MARCHF7: variants seen among roughly 807,000 people sequenced by gnomAD.
MARCHF7 encodes the protein membrane associated ring-CH-type finger 7, also known as E3 ubiquitin-protein ligase MARCHF7.
In MARCHF7, 20 loss-of-function variants were observed where a neutral mutation model predicts 76.5. That is an observed-to-expected ratio of 0.26 (90% CI 0.18 to 0.38). MARCHF7 has a LOEUF of 0.38. Among genes scored for constraint, MARCHF7 ranks in the 10% least tolerant of loss-of-function variants. The pLI is 1.00. For missense variants in MARCHF7, 797 were observed against 812.9 expected (o/e 0.98, Z 0.24); for synonymous variants, 295 against 293.0 (o/e 1.01, Z -0.07).
chr2:159,744,562 A>G (rs1396610528), intron 5 of MARCHF7, among the ~76,000 whole-genome samples: 2 of 152,242 alleles, frequency 1.3e-5, no homozygotes, highest in African/African-American at 4.8e-5. Flanking sequence ...GTGGTGACAC[A>G]ATTGGAGGTA....
chr2:159,724,790 G>A lies in MARCHF7; in HGVS notation c.-14-4219G>A, dbSNP rs145614554. ...GTTGGTGTGCTGCACCCATTAACTCGTCATTTGCAATAGATATTTCTCTTA... is the reference window on the plus strand; with the variant it reads ...GTTGGTGTGCTGCACCCATTAACTCATCATTTGCAATAGATATTTCTCTTA... On this transcript the variant is annotated intron_variant, in intron 3 of 11. Coordinates refer to ENST00000409175, the MANE Select transcript of MARCHF7 (RefSeq NM_001282805.2). 4.7e-3 allele frequency among the ~76,000 whole-genome samples: 720 copies of A among 152,102 alleles called. 11 individuals are homozygous for A. Among genetic ancestry groups the A allele is most frequent in the African/African-American group, 0.016 (684 of 41,484 alleles).
intron 4 of MARCHF7, among the ~76,000 whole-genome samples, chr2:159,742,289 A>G (rs1322209388): frequency 6.6e-6 from 1 of 151,596 alleles, no homozygotes; most frequent in East Asian, 1.9e-4. Context: ...CTAGTGTTGT[A>G]TGACCGTATT....
rs112713769 is a variant in MARCHF7 at position 159,715,779 on chromosome 2, C to A, written c.-15+13C>A. 6.6e-6 allele frequency: 1 copy of A among 151,460 alleles called. No homozygotes were observed. Among genetic ancestry groups the A allele is most frequent in the Non-Finnish European group, 1.5e-5 (1 of 67,814 alleles). 9.4% of individuals were successfully genotyped at this position (151,460 alleles called of 1,614,324 possible). ...CCGGTTAGACTAGGTAAGTTGAACA[C>A]CTGGTTTTAAAATCACCTGCTGCTC... On this transcript the variant is annotated intron_variant, in intron 3 of 11. Transcript: ENST00000409175.
Position 159,749,043 on chromosome 2 carries a change from A to G in MARCHF7, c.1613+140A>G, listed in dbSNP as rs1038309822. 3.1e-6 allele frequency: 3 copies of G among 966,704 alleles called. No homozygotes were observed. The South Asian group carries it at 5.9e-5, about 19-fold the overall frequency. The allele number at this position is 966,704 out of a possible 1,614,324, so 59.9% of individuals were successfully genotyped here. On this transcript the variant is annotated intron_variant, in intron 7 of 11. Coordinates refer to ENST00000409175, the MANE Select transcript of MARCHF7 (RefSeq NM_001282805.2). ...ACCCAGGCTGGAGTGTAATGGCACC[A>G]TCTCGGCTCACTGCAGCCTCGGCCT...
chr2:159,717,256 G>C (rs2125274627), intron 3 of MARCHF7, among the ~76,000 whole-genome samples: 1 of 152,222 alleles, frequency 6.6e-6, no homozygotes, highest in African/African-American at 2.4e-5. Flanking sequence ...AGGCAGTGCA[G>C]CAACGTTGCA....
chr2:159,756,148 A>G (rs1012340821), intron 8 of MARCHF7, among the ~76,000 whole-genome samples: 9 of 152,210 alleles, frequency 5.9e-5, no homozygotes, highest in African/African-American at 2.2e-4. Context: ...AATGTTAGCT[A>G]TTACCAAAAT....
intron 4 of MARCHF7, 41 bp downstream of exon 4, chr2:159,729,216 A>C: frequency 6.8e-7 from 1 of 1,468,104 alleles, no homozygotes; most frequent in East Asian, 2.4e-5. Flanking sequence ...AGCCTTTTTC[A>C]AAATCCCTAG....
intron 4 of MARCHF7, chr2:159,733,033 T>C (rs538363401): frequency 1.2e-4 from 76 of 615,238 alleles, no homozygotes; most frequent in Middle Eastern, 1.6e-3. Flanking sequence ...TTACTAATTA[T>C]AATTATTTAT....
chr2:159,763,804 T>C (rs551035381), intron 10 of MARCHF7, among the ~76,000 whole-genome samples: 1 of 152,280 alleles, frequency 6.6e-6, no homozygotes, highest in Admixed American at 6.5e-5. Flanking sequence ...CCTTCTAAAT[T>C]AGTAAAAAAT....
intron 3 of MARCHF7, among the ~76,000 whole-genome samples, 187 bp from the exon 4 acceptor site, chr2:159,728,822 C>T (rs1236220675): frequency 6.6e-6 from 1 of 152,062 alleles, no homozygotes; most frequent in Non-Finnish European, 1.5e-5. Flanking sequence ...CTTTTATGGA[C>T]GATAGGAAAC....
In MARCHF7 at chr2:159,748,426, G is replaced by A. The variant is rs756274681; in HGVS notation, c.1136G>A (p.Gly379Asp). The A allele has an allele frequency of 1.2e-6, 2 of 1,614,100 alleles. No individual in the cohort carries two copies. Among genetic ancestry groups the A allele is most frequent in the Non-Finnish European group, 1.7e-6 (2 of 1,180,014 alleles). The change falls in exon 7 of 12, where the codon GGT (glycine) becomes GAT (aspartate). Residue 379 changes from glycine to aspartate, a missense_variant. Around this residue, in one of 3 missense-constraint regions of MARCHF7, gnomAD observed 643 missense variants for 631.5 expected, o/e 1.02. Transcript: ENST00000409175. ...GAAAATTTTAACCAAGAATCTGAAG[G>A]TAGAAATACAGGACCATGGTTATCT... is the stretch of plus-strand genomic sequence containing the variant. Reference protein sequence around the residue: ...DSENFNQESEGRNTGPWLSSS... With the variant: ...DSENFNQESEDRNTGPWLSSS...
At chr2:159,757,511 C>T (rs544802631) in intron 8 of MARCHF7, among the ~76,000 whole-genome samples, 3 of 152,262 alleles carry the variant, frequency 2.0e-5, no homozygotes, top group Admixed American at 1.3e-4. Context: ...AGTAGGCTGG[C>T]TGTGGTGGCT....
intron 5 of MARCHF7, among the ~76,000 whole-genome samples, chr2:159,744,860 C>A (rs1440214358): frequency 1.3e-5 from 2 of 152,118 alleles, no homozygotes; most frequent in African/African-American, 4.8e-5. Context: ...ATCAAAATTT[C>A]AAGGTAAATA....
Position 159,767,450 on chromosome 2 carries a change from A to G in MARCHF7, c.*108A>G, listed in dbSNP as rs1432773670. Reference sequence around the variant, plus strand: ...AATGCCTAATAAATACATTGACTATATATAAAATGAATATATACATACACA... The same window carrying G: ...AATGCCTAATAAATACATTGACTATGTATAAAATGAATATATACATACACA... On this transcript the variant is annotated 3_prime_UTR_variant, in exon 12 of 12. Coordinates refer to ENST00000409175, the MANE Select transcript of MARCHF7 (RefSeq NM_001282805.2). The G allele has an allele frequency of 1.4e-6, 1 of 697,762 alleles. No homozygotes were observed. Among genetic ancestry groups the G allele is most frequent in the African/African-American group, 1.8e-5 (1 of 55,064 alleles). The allele number at this position is 697,762 out of a possible 1,614,324, so 43.2% of individuals were successfully genotyped here.
intron 3 of MARCHF7, among the ~76,000 whole-genome samples, chr2:159,719,016 TCTCA>T (rs1351101194): frequency 6.6e-6 from 1 of 152,084 alleles, no homozygotes; most frequent in Non-Finnish European, 1.5e-5. Context: ...TCAGAAAGTG[TCTCA>T]CTCTGATGCA....
In MARCHF7 at chr2:159,759,266, AG is replaced by A. The variant is rs760200408; in HGVS notation, c.1825del (p.Glu609ArgfsTer35). The A allele has an allele frequency of 6.2e-7, 1 of 1,611,716 alleles. No homozygotes were observed. Among genetic ancestry groups the A allele is most frequent in the Non-Finnish European group, 8.5e-7 (1 of 1,178,324 alleles). On this transcript the variant is annotated frameshift_variant, in exon 9 of 12. Coordinates refer to ENST00000409175, the MANE Select transcript of MARCHF7 (RefSeq NM_001282805.2). LOFTEE classifies it high-confidence loss of function. Reference sequence around the variant, plus strand: ...CTGTAACCACCTGTGAACTATGTAAAGAGAAGTTGGAGCTTAACCTGGAGGA... The same window carrying A: ...CTGTAACCACCTGTGAACTATGTAAAAGAAGTTGGAGCTTAACCTGGAGGA... ...EAVTTCELCKEKLELNLEDFD... is the reference protein window; with the variant it reads ...EAVTTCELCKXKLELNLEDFD...
At chr2:159,746,718 A>C (rs1359451495) in intron 6 of MARCHF7, among the ~76,000 whole-genome samples, 1 of 152,180 alleles carries the variant, frequency 6.6e-6, no homozygotes, top group African/African-American at 2.4e-5. Context: ...GTATCATTGT[A>C]CATAGCCTTA....
chr2:159,756,642 A>G (rs975321915), intron 8 of MARCHF7, among the ~76,000 whole-genome samples: 3 of 135,452 alleles, frequency 2.2e-5, no homozygotes, highest in Non-Finnish European at 4.6e-5. Flanking sequence ...AGCCGAGATC[A>G]CCCCATTGCA....
chr2:159,728,961 G>A, intron 3 of MARCHF7, 48 bp from the exon 4 acceptor site: 1 of 1,215,788 alleles, frequency 8.2e-7, no homozygotes, highest in East Asian at 2.5e-5. Flanking sequence ...AGCATTAAAG[G>A]CTTTCATATT....
Sources: gnomAD v4.1 joint callset for allele counts (sites outside exome capture counted in the v4.1 genomes callset) on GRCh38, gnomAD v4.1.1 for gene constraint, gnomAD v4.1.1 regional missense constraint, MANE v1.5 for transcripts, NCBI Gene and HGNC (gene_info 2026-07-23, HGNC 2026-07-21) for gene names.